PRRC2C: variants seen among roughly 807,000 people sequenced by gnomAD.
PRRC2C encodes proline rich coiled-coil 2C, also known as protein PRRC2C.
Under a neutral mutation model 317.2 loss-of-function variants are expected in PRRC2C, and 72 were observed. The observed-to-expected ratio is 0.23, with a 90% CI of 0.19 to 0.28. The LOEUF (loss-of-function observed/expected upper bound fraction) is 0.28, where lower values mean the gene tolerates loss of function less well. Ranked by LOEUF, PRRC2C falls within the 10% of genes least tolerant of loss-of-function variation. The pLI is 1.00. For synonymous variants in PRRC2C, 1,296 were observed against 1,205.9 expected, an observed-to-expected ratio of 1.07 and a Z score of -1.55; for missense variants, 3,074 against 3,459.7, an observed-to-expected ratio of 0.89 and a Z score of 2.80.
At chr1:171,547,102 A>G (rs1679251135) in intron 17 of PRRC2C, among the ~76,000 whole-genome samples, 1 of 152,140 alleles carries the variant, frequency 6.6e-6, no homozygotes, top group Admixed American at 6.5e-5. Context: ...GCATGCCTGT[A>G]AAAACAAAAC....
intron 1 of PRRC2C, among the ~76,000 whole-genome samples, chr1:171,487,277 T>A (rs1666309143): frequency 6.6e-6 from 1 of 152,164 alleles, no homozygotes; most frequent in Non-Finnish European, 1.5e-5. Flanking sequence ...CTGACCAAGG[T>A]CACATAGCAG....
intron 10 of PRRC2C, among the ~76,000 whole-genome samples, chr1:171,527,225 C>T (rs1052939546): frequency 6.6e-6 from 1 of 151,888 alleles, no homozygotes; most frequent in African/African-American, 2.4e-5. Flanking sequence ...CTCCGCCTCC[C>T]AGGTTCAAGC....
chr1:171,490,588 A>G (rs146137483), intron 1 of PRRC2C, among the ~76,000 whole-genome samples: 4 of 152,366 alleles, frequency 2.6e-5, no homozygotes, highest in Non-Finnish European at 5.9e-5. Context: ...AGGACAGTCT[A>G]TGGCAAGGGA....
chr1:171,558,229 T>G (rs1269569462), intron 19 of PRRC2C, 86 bp downstream of exon 19: 16 of 1,382,736 alleles, frequency 1.2e-5, no homozygotes, highest in Non-Finnish European at 1.5e-5. Context: ...ACTCTTTAAG[T>G]GTTTTCTAGC....
rs1382488967 is a variant in PRRC2C at position 171,532,366 on chromosome 1, A to C, written c.1278A>C (p.Ala426=). ...AQQHPPPDRQ[A]VPGRPGPFPS... is the part of the protein sequence containing the mutation. ...AGCATCCACCTCCAGATCGACAGGC[A>C]GTACCTGGAAGACCAGGCCCCTTTC... is the stretch of plus-strand genomic sequence containing the variant. Residue 426 remains alanine, a synonymous_variant, in exon 12 of 35, where the codon GCA becomes GCC. Transcript: ENST00000647382. The C allele has an allele frequency of 6.2e-7, 1 of 1,613,050 alleles. No homozygotes were observed. Among genetic ancestry groups the C allele is most frequent in the Non-Finnish European group, 8.5e-7 (1 of 1,179,568 alleles).
At chr1:171,552,931 C>T (rs946343340) in intron 18 of PRRC2C, among the ~76,000 whole-genome samples, 3 of 151,480 alleles carry the variant, frequency 2.0e-5, no homozygotes, top group African/African-American at 7.3e-5. Context: ...TCTCTATTTT[C>T]ATTGTGTCTG....
At chr1:171,543,676 T>G (rs993501807) in intron 16 of PRRC2C, among the ~76,000 whole-genome samples, 2 of 152,220 alleles carry the variant, frequency 1.3e-5, no homozygotes, top group Admixed American at 1.3e-4. Flanking sequence ...TTCCTTAGTT[T>G]TACATACTTA....
chr1:171,503,348 A>T (rs1273634860), intron 1 of PRRC2C, among the ~76,000 whole-genome samples: 2 of 151,750 alleles, frequency 1.3e-5, no homozygotes, highest in Non-Finnish European at 2.9e-5. Context: ...ACATGACAAA[A>T]CCCCATCTTT....
rs1211398506 is a variant in PRRC2C, at chr1:171,517,576, C to T, written c.527-15C>T. 5 of 1,583,196 alleles carry T rather than the reference C, an allele frequency of 3.2e-6. No homozygotes were observed. In the Admixed American group the frequency reaches 9.2e-5, roughly 29 times the overall value. On this transcript the variant is annotated splice_polypyrimidine_tract_variant and intron_variant, in intron 5 of 34. Coordinates refer to ENST00000647382, the MANE Select transcript of PRRC2C (RefSeq NM_001387844.1). ...GATTTTTATCTTTTTCCTTTTTTCTCTGCCTTCATACTAGATGTTGCTTGT... is the reference window on the plus strand; with the variant it reads ...GATTTTTATCTTTTTCCTTTTTTCTTTGCCTTCATACTAGATGTTGCTTGT...
At chr1:171,510,926 T>G (rs1368674049) in intron 1 of PRRC2C, 1 of 152,196 alleles carries the variant, frequency 6.6e-6, no homozygotes, top group African/African-American at 2.4e-5. Flanking sequence ...CTGATAAATT[T>G]TATGGAACTA....
At chr1:171,509,737 A>C (rs1670944849) in intron 1 of PRRC2C, 1 of 151,674 alleles carries the variant, frequency 6.6e-6, no homozygotes, top group South Asian at 2.1e-4. Context: ...CCCCTTCCTC[A>C]GAGTTTGATT....
rs1487184245 is a variant in PRRC2C at position 171,557,381 on chromosome 1, C to T, written c.5269C>T (p.Pro1757Ser). 2.6e-6 allele frequency: 4 copies of T among 1,551,676 alleles called. No individual in the cohort carries two copies. Among genetic ancestry groups the T allele is most frequent in the African/African-American group, 1.4e-5 (1 of 73,046 alleles). The change falls in exon 19 of 35, where the codon CCA becomes TCA. Residue 1757 changes from proline to serine, a missense_variant. Physicochemically the swap from Pro to Ser is moderately conservative, Grantham distance 74. Around this residue, in one of 11 missense-constraint regions of PRRC2C, gnomAD observed 640 missense variants for 676.1 expected, o/e 0.95. Coordinates refer to ENST00000647382, the MANE Select transcript of PRRC2C (RefSeq NM_001387844.1). ...TCCACCTCTAGCTTCGGCTCCACTT[C>T]CACCTTCAACCTCAGCTTCAGTTCC... ...SVPPLASAPL[P>S]PSTSASVPAS...
rs911547791 is a variant in PRRC2C, at chr1:171,498,813, T to G, written c.-58+13078T>G. On this transcript the variant is annotated intron_variant, in intron 1 of 34. Transcript: ENST00000647382. ...TCTCCAGCTTCTACTGGGCTTTCTT[T>G]TTTTTGTTTTTGGAGGGGAGACTGG... 3.9e-5 allele frequency among the ~76,000 whole-genome samples: 6 copies of G among 152,220 alleles called. No homozygotes were observed. In the South Asian group the frequency reaches 1.0e-3, roughly 26 times the overall value.
chr1:171,514,156 C>A (rs1454640956), intron 3 of PRRC2C, among the ~76,000 whole-genome samples: 3 of 152,188 alleles, frequency 2.0e-5, no homozygotes, highest in Admixed American at 2.0e-4. Flanking sequence ...CAACTAATTT[C>A]ACCAGTCCAG....
At chr1:171,491,265 C>T (rs1460757827) in intron 1 of PRRC2C, among the ~76,000 whole-genome samples, 1 of 152,088 alleles carries the variant, frequency 6.6e-6, no homozygotes, top group Non-Finnish European at 1.5e-5. Context: ...TTTTTCTTCC[C>T]TGTTTGCCAG....
intron 1 of PRRC2C, among the ~76,000 whole-genome samples, chr1:171,502,391 G>A (rs1669291681): frequency 6.6e-6 from 1 of 152,106 alleles, no homozygotes; most frequent in African/African-American, 2.4e-5. Flanking sequence ...TTGGATAACT[G>A]TGCAGCCTAA....
chr1:171,586,143 A>G (rs758799131), intron 30 of PRRC2C, among the ~76,000 whole-genome samples: 10 of 133,708 alleles, frequency 7.5e-5, no homozygotes, highest in Non-Finnish European at 1.5e-4. Flanking sequence ...GCTCACTGCA[A>G]CCTCCACCTC....
intron 1 of PRRC2C, among the ~76,000 whole-genome samples, chr1:171,506,687 T>TTGTGTGTGTG (rs34060083): frequency 0.018 from 2,488 of 136,574 alleles, 30 homozygotes; most frequent in Middle Eastern, 0.036. Context: ...TTTTTTTTCT[T>TTGTGTGTGTG]TGTGTGTGTG....
At chr1:171,524,120 T>TA (rs1447660279) in intron 9 of PRRC2C, among the ~76,000 whole-genome samples, 1 of 152,206 alleles carries the variant, frequency 6.6e-6, no homozygotes, top group Non-Finnish European at 1.5e-5. Flanking sequence ...TTTAAACTGT[T>TA]ACTTGCTTGA....
Sources: allele counts gnomAD v4.1 joint callset (sites outside exome capture counted in the v4.1 genomes callset), GRCh38; gene constraint gnomAD v4.1.1; regional missense constraint gnomAD v4.1.1; transcripts MANE v1.5; gene names NCBI Gene and HGNC (gene_info 2026-07-23, HGNC 2026-07-21).